Variants in UHRF2 observed in about 807,000 individuals in gnomAD.
UHRF2 encodes E3 ubiquitin-protein ligase UHRF2.
In UHRF2, 23 loss-of-function variants were observed where a neutral mutation model predicts 96.8. The ratio of observed to expected loss-of-function variants is 0.24; its 90% CI spans 0.17 to 0.34. The LOEUF (loss-of-function observed/expected upper bound fraction) is 0.34, where lower values mean the gene tolerates loss of function less well. Ranked by LOEUF, UHRF2 falls within the 10% of genes least tolerant of loss-of-function variation. The pLI, the probability that UHRF2 is intolerant of heterozygous loss-of-function variation, is 1.00. For missense variants in UHRF2, 685 were observed against 981.5 expected (o/e 0.70, Z 4.04); for synonymous variants, 385 against 332.6 (o/e 1.16, Z -1.72).
intron 4 of UHRF2, among the ~76,000 whole-genome samples, chr9:6,471,464 G>A (rs1337410911): frequency 2.6e-5 from 4 of 152,134 alleles, no homozygotes; most frequent in African/African-American, 9.6e-5. Context: ...ATAGAATATG[G>A]TGTAAGTGAT....
intron 4 of UHRF2, among the ~76,000 whole-genome samples, chr9:6,463,405 A>G (rs1213827903): frequency 1.3e-5 from 2 of 152,242 alleles, no homozygotes; most frequent in Non-Finnish European, 2.9e-5. Flanking sequence ...CTTTGTCATT[A>G]AAGTTTTTAC....
rs755983315 is a variant in UHRF2 at position 6,481,955 on chromosome 9, A to G, written c.1285-37A>G. On this transcript the variant is annotated intron_variant, in intron 7 of 15. Transcript: ENST00000276893. ...TTAAGGGCTTTCATTAAAATTTAAC[A>G]TAACTGATTTCTCAACGTTTGTTTT... The G allele has an allele frequency of 8.1e-6, 13 of 1,601,908 alleles. No individual in the cohort carries two copies. In the Admixed American group the frequency reaches 8.6e-5, roughly 11 times the overall value.
chr9:6,469,404 G>C (rs1282938449), intron 4 of UHRF2, among the ~76,000 whole-genome samples: 2 of 151,994 alleles, frequency 1.3e-5, no homozygotes, highest in Non-Finnish European at 2.9e-5. Context: ...TGTAGTCCCA[G>C]CTACTCGGGA....
In UHRF2 at chr9:6,506,410, T is replaced by TC; in HGVS notation, c.*232dup. On this transcript the variant is annotated 3_prime_UTR_variant, in exon 16 of 16. Coordinates refer to ENST00000276893, the MANE Select transcript of UHRF2 (RefSeq NM_152896.3). ...ACAACTAGTTTTAATGAGTAAAAAG[T>TC]CAAAGCCTCAGCTCTAGTTGATATC... 1 of 410,254 alleles carries TC rather than the reference T, an allele frequency of 2.4e-6. No homozygotes were observed. Among genetic ancestry groups the TC allele is most frequent in the African/African-American group, 2.0e-5 (1 of 48,926 alleles). 25.4% of individuals were successfully genotyped at this position (410,254 alleles called of 1,614,324 possible).
chr9:6,506,250 G>C lies in UHRF2; in HGVS notation c.*71G>C. ...AAAGAATCTAAAATGGGTGGGGAGGGTGGAAGAAATGGTGGACTGTATCTC... is the reference window on the plus strand; with the variant it reads ...AAAGAATCTAAAATGGGTGGGGAGGCTGGAAGAAATGGTGGACTGTATCTC... On this transcript the variant is annotated 3_prime_UTR_variant, in exon 16 of 16. Transcript: ENST00000276893. 3 of 1,577,584 alleles carry C rather than the reference G, an allele frequency of 1.9e-6. No homozygotes were observed. Among genetic ancestry groups the C allele is most frequent in the Non-Finnish European group, 2.6e-6 (3 of 1,158,580 alleles).
At chr9:6,424,047 A>T (rs1158121926) in intron 2 of UHRF2, among the ~76,000 whole-genome samples, 1 of 152,196 alleles carries the variant, frequency 6.6e-6, no homozygotes, top group African/African-American at 2.4e-5. Context: ...TTTAAAGACG[A>T]GCTAGACAAG....
In UHRF2 at chr9:6,504,641, G is replaced by T; in HGVS notation, c.2212G>T (p.Glu738Ter). 1 of 1,613,828 alleles carries T rather than the reference G, an allele frequency of 6.2e-7. No individual in the cohort carries two copies. The highest frequency in any genetic ancestry group is 8.5e-7 in the Non-Finnish European group (1 of 1,179,854). ...EQSFMCVCCQ[E>*]LVYQPVTTEC... ...ATCTTTTATGTGCGTTTGCTGTCAGGAGCTAGTTTACCAGCCTGTGACAAC... is the reference window on the plus strand; with the variant it reads ...ATCTTTTATGTGCGTTTGCTGTCAGTAGCTAGTTTACCAGCCTGTGACAAC... The change falls in exon 15 of 16, where the codon GAG becomes TAG. Residue 738 changes from glutamate (E) to a stop codon, truncating the protein, a stop_gained. Coordinates refer to ENST00000276893, the MANE Select transcript of UHRF2 (RefSeq NM_152896.3). LOFTEE classifies it high-confidence loss of function.
At chr9:6,496,950 T>C (rs970804426) in intron 10 of UHRF2, 40 of 381,492 alleles carry the variant, frequency 1.0e-4, no homozygotes, top group Non-Finnish European at 1.6e-4. Context: ...ACAGATGTTA[T>C]TACTTTCAGA....
intron 3 of UHRF2, among the ~76,000 whole-genome samples, chr9:6,440,661 G>A (rs891103338): frequency 6.6e-6 from 1 of 152,184 alleles, no homozygotes; most frequent in Non-Finnish European, 1.5e-5. Flanking sequence ...AGGGTATCCT[G>A]CCAAATTTTA....
chr9:6,460,326 A>G (rs551445792), intron 3 of UHRF2, among the ~76,000 whole-genome samples: 8 of 152,158 alleles, frequency 5.3e-5, no homozygotes, highest in Non-Finnish European at 8.8e-5. Flanking sequence ...CCATGAAGAG[A>G]TCCACATCTC....
chr9:6,479,710 C>G (rs200738549), intron 6 of UHRF2, among the ~76,000 whole-genome samples: 1 of 152,242 alleles, frequency 6.6e-6, no homozygotes, highest in South Asian at 2.1e-4. Flanking sequence ...AATCCTGCTC[C>G]TCCCCCAGTC....
chr9:6,493,601 A>C (rs1199316488), intron 9 of UHRF2, among the ~76,000 whole-genome samples: 1 of 152,188 alleles, frequency 6.6e-6, no homozygotes, highest in East Asian at 1.9e-4. Context: ...CCATATTTGG[A>C]GATGTTGAAA....
At chr9:6,435,965 T>G (rs1364844740) in intron 3 of UHRF2, among the ~76,000 whole-genome samples, 1 of 152,142 alleles carries the variant, frequency 6.6e-6, no homozygotes, top group Admixed American at 6.5e-5. Flanking sequence ...GTCTTGAGGG[T>G]TTAGATTCTG....
At chr9:6,417,596 G>C (rs1819680776) in intron 1 of UHRF2, among the ~76,000 whole-genome samples, 1 of 152,182 alleles carries the variant, frequency 6.6e-6, no homozygotes, top group Non-Finnish European at 1.5e-5. Context: ...TGTGGAACTT[G>C]TTATTGCGGT....
At chr9:6,457,624 T>A (rs1291714651) in intron 3 of UHRF2, among the ~76,000 whole-genome samples, 8 of 152,346 alleles carry the variant, frequency 5.3e-5, no homozygotes, top group Admixed American at 5.2e-4. Context: ...GCCCATTCAG[T>A]ATGATATTGG....
chr9:6,481,248 A>G (rs1390352826), intron 6 of UHRF2, among the ~76,000 whole-genome samples: 1 of 152,200 alleles, frequency 6.6e-6, no homozygotes, highest in Non-Finnish European at 1.5e-5. Context: ...GAATTCTAAT[A>G]ACCAATTTAG....
intron 3 of UHRF2, among the ~76,000 whole-genome samples, chr9:6,439,970 A>G (rs1396927294): frequency 6.6e-6 from 1 of 152,140 alleles, no homozygotes; most frequent in East Asian, 1.9e-4. Context: ...GAAAACATCA[A>G]ATTTTCTTGT....
chr9:6,504,531 A>G, intron 14 of UHRF2, 62 bp from the exon 15 acceptor site: 1 of 1,105,784 alleles, frequency 9.0e-7, no homozygotes, highest in Non-Finnish European at 1.3e-6. Context: ...ACAGTAGATG[A>G]ATTTTATTAG....
At chr9:6,451,837 G>A (rs1821888990) in intron 3 of UHRF2, among the ~76,000 whole-genome samples, 1 of 151,630 alleles carries the variant, frequency 6.6e-6, no homozygotes, top group Admixed American at 6.6e-5. Flanking sequence ...AGGCTGGAGT[G>A]CAGTGGCACG....
Sources: allele counts gnomAD v4.1 joint callset (sites outside exome capture counted in the v4.1 genomes callset), GRCh38; gene constraint gnomAD v4.1.1; transcripts MANE v1.5; gene names NCBI Gene and HGNC (gene_info 2026-07-23, HGNC 2026-07-21).